Variants in LIG1 observed in about 807,000 individuals in gnomAD.
LIG1 encodes ligase I, DNA, ATP-dependent.
A neutral mutation model predicts 115.7 loss-of-function variants in LIG1; 70 were observed. The observed-to-expected ratio is 0.60, with a 90% CI of 0.50 to 0.74. LIG1 has a LOEUF of 0.74. Among genes scored for constraint, LIG1 ranks in the 30% least tolerant of loss-of-function variants. LIG1 has a pLI of 0.00. For missense variants in LIG1, 1,115 were observed against 1,225.6 expected (o/e 0.91, Z 1.35); for synonymous variants, 487 against 495.3 (o/e 0.98, Z 0.22).
chr19:48,170,333 G>T lies in LIG1; in HGVS notation c.-150C>A. On this transcript the variant is annotated 5_prime_UTR_variant, in exon 1 of 28. Transcript: ENST00000263274. ...CCCAAGTTCGCGCCACGGCATTCGC[G>T]CGCAGACGTCTGCGGGCGGGGGCGG... 1 of 442,038 alleles carries T rather than the reference G, an allele frequency of 2.3e-6. No individual in the cohort carries two copies. The highest frequency in any genetic ancestry group is 1.6e-5 in the South Asian group (1 of 63,380). The allele number at this position is 442,038 out of a possible 1,614,324, so 27.4% of individuals were successfully genotyped here.
chr19:48,121,670 G>A (rs568418807), intron 23 of LIG1, among the ~76,000 whole-genome samples: 27 of 152,208 alleles, frequency 1.8e-4, no homozygotes, highest in African/African-American at 6.3e-4. Flanking sequence ...GCGTGGTGGC[G>A]TGTGCCTGTA....
chr19:48,126,338 G>A (rs2033666446), intron 21 of LIG1, among the ~76,000 whole-genome samples: 1 of 152,106 alleles, frequency 6.6e-6, no homozygotes, highest in African/African-American at 2.4e-5. Flanking sequence ...AGGCGTGGTG[G>A]TTCACGCCTG....
intron 9 of LIG1, among the ~76,000 whole-genome samples, chr19:48,147,925 T>C (rs2035223907): frequency 2.0e-5 from 3 of 152,176 alleles, no homozygotes; most frequent in Admixed American, 2.0e-4. Context: ...GCAAGAAGAC[T>C]AAGAAGGCTG....
rs552115511 is a variant in LIG1, at chr19:48,120,068, T to C, written c.2386-878A>G. ...AAAATCTATTCTAAATAATGCAAAATGGTGACAATGTAGATTGGTGGCCAA... is the reference window on the plus strand; with the variant it reads ...AAAATCTATTCTAAATAATGCAAAACGGTGACAATGTAGATTGGTGGCCAA... On this transcript the variant is annotated intron_variant, in intron 24 of 27. Transcript: ENST00000263274. 4 of 460,610 alleles carry C rather than the reference T, an allele frequency of 8.7e-6. No homozygotes were observed. In the East Asian group the frequency reaches 6.3e-4, roughly 72 times the overall value. The allele number at this position is 460,610 out of a possible 1,614,324, so 28.5% of individuals were successfully genotyped here.
rs1555784937 is a variant in LIG1, at chr19:48,169,911, T to TCCCCC, written c.-58+325_-58+329dup. On this transcript the variant is annotated intron_variant, in intron 1 of 27. Coordinates refer to ENST00000263274, the MANE Select transcript of LIG1 (RefSeq NM_000234.3). ...CCAGCTGGCCCCGCCCACACAGTTTTCCCCCCCCCGGCCCCGCCCCTCAGT... is the reference window on the plus strand; with the variant it reads ...CCAGCTGGCCCCGCCCACACAGTTTTCCCCCCCCCCCCCCGGCCCCGCCCCTCAGT... 43 of 80,030 alleles carry TCCCCC rather than the reference T, an allele frequency of 5.4e-4. 1 individual carries two copies. Among genetic ancestry groups the TCCCCC allele is most frequent in the African/African-American group, 1.4e-3 (21 of 15,312 alleles). The allele number at this position is 80,030 out of a possible 1,614,324, so 5.0% of individuals were successfully genotyped here. A position where few individuals can be genotyped will look rare whatever the true frequency, so the allele number is the denominator to read the frequency against.
chr19:48,127,806 C>G, intron 20 of LIG1, 104 bp downstream of exon 20: 1 of 947,390 alleles, frequency 1.1e-6, no homozygotes, highest in Non-Finnish European at 1.7e-6. Context: ...TGCATCCAGA[C>G]TGACACTCTG....
chr19:48,135,362 A>T (rs902620766), intron 16 of LIG1, among the ~76,000 whole-genome samples: 1 of 152,118 alleles, frequency 6.6e-6, no homozygotes, highest in Admixed American at 6.5e-5. Flanking sequence ...ACCTCAAGTG[A>T]TCTGCCTGCT....
At chr19:48,156,981 C>A in intron 5 of LIG1, 33 bp downstream of exon 5, 3 of 1,451,904 alleles carry the variant, frequency 2.1e-6, no homozygotes, top group Non-Finnish European at 1.9e-6. Flanking sequence ...GAAAGGCAGG[C>A]GACTGAAGGG....
chr19:48,155,381 G>C (rs1220643028), intron 5 of LIG1, among the ~76,000 whole-genome samples: 1 of 152,134 alleles, frequency 6.6e-6, no homozygotes, highest in African/African-American at 2.4e-5. Flanking sequence ...GTAGATGAGA[G>C]GCCCCAAACA....
intron 9 of LIG1, among the ~76,000 whole-genome samples, chr19:48,147,077 T>C (rs967971500): frequency 6.6e-6 from 1 of 152,238 alleles, no homozygotes; most frequent in African/African-American, 2.4e-5. Flanking sequence ...GAACACTTTT[T>C]TGTTAGACTT....
intron 16 of LIG1, among the ~76,000 whole-genome samples, chr19:48,135,260 GT>G (rs1191337796): frequency 6.6e-6 from 1 of 152,170 alleles, no homozygotes; most frequent in Non-Finnish European, 1.5e-5. Flanking sequence ...TTGTGCCTCA[GT>G]TTCCCAAGTA....
In LIG1 at chr19:48,115,739, A is replaced by G. The variant is rs1332212343; in HGVS notation, c.2677-7T>C. ...TCCGGTACAAACAGGCCACCTGCGGAGAGAGGGTGGGACGGGGTGGTCAGA... is the reference window on the plus strand; with the variant it reads ...TCCGGTACAAACAGGCCACCTGCGGGGAGAGGGTGGGACGGGGTGGTCAGA... On this transcript the variant is annotated splice_polypyrimidine_tract_variant and splice_region_variant and intron_variant, in intron 27 of 27. Transcript: ENST00000263274. 1.9e-6 allele frequency: 3 copies of G among 1,611,738 alleles called. No homozygotes were observed. Among genetic ancestry groups the G allele is most frequent in the Non-Finnish European group, 1.7e-6 (2 of 1,177,986 alleles).
intron 10 of LIG1, 98 bp from the exon 11 acceptor site, chr19:48,143,697 T>C: frequency 3.5e-6 from 4 of 1,157,730 alleles, no homozygotes; most frequent in Non-Finnish European, 5.2e-6. Flanking sequence ...GGGACACCCT[T>C]GCCAATACCC....
intron 4 of LIG1, among the ~76,000 whole-genome samples, chr19:48,159,555 C>T (rs989218884): frequency 2.0e-5 from 3 of 152,184 alleles, no homozygotes; most frequent in African/African-American, 7.2e-5. Context: ...TGCTAATCAG[C>T]TGACCTTCCG....
At chr19:48,150,347 C>A in intron 7 of LIG1, 137 bp from the exon 8 acceptor site, 1 of 1,340,536 alleles carries the variant, frequency 7.5e-7, no homozygotes, top group Non-Finnish European at 1.0e-6. Context: ...TTTCTGTTAG[C>A]TTTGAGCTGA....
Position 48,121,420 on chromosome 19 carries a change from A to C in LIG1, c.2233-98T>G, listed in dbSNP as rs1288610003. The C allele has an allele frequency of 5.0e-6, 6 of 1,203,496 alleles. No individual in the cohort carries two copies. In the East Asian group the frequency reaches 1.1e-4, roughly 21 times the overall value. 74.6% of individuals were successfully genotyped at this position (1,203,496 alleles called of 1,614,324 possible). ...CCTCAGTGGACTGAGGAGGGACTAG[A>C]AGTAAGTCTGAAGGGAACTTCCAGA... On this transcript the variant is annotated intron_variant, in intron 23 of 27. Coordinates refer to ENST00000263274, the MANE Select transcript of LIG1 (RefSeq NM_000234.3).
chr19:48,139,613 C>T (rs2034609463), intron 12 of LIG1, among the ~76,000 whole-genome samples: 1 of 152,186 alleles, frequency 6.6e-6, no homozygotes. Context: ...TCTTTCCTCC[C>T]ACTCCTTCCA....
chr19:48,170,279 C>G lies in LIG1; in HGVS notation c.-96G>C, dbSNP rs1407575184. 2.2e-6 allele frequency: 1 copy of G among 454,772 alleles called. No individual in the cohort carries two copies. The highest frequency in any genetic ancestry group is 7.0e-5 in the East Asian group (1 of 14,312). The allele number at this position is 454,772 out of a possible 1,614,324, so 28.2% of individuals were successfully genotyped here. ...CGCGCGCCGCTGCCCGGGCAACACA[C>G]TCAGATCCGCCAGGCGCGCCTCTGC... On this transcript the variant is annotated 5_prime_UTR_variant, in exon 1 of 28. Transcript: ENST00000263274.
rs746525445 is a variant in LIG1 at position 48,117,643 on chromosome 19, C to A, written c.2578G>T (p.Gly860Cys). ...CCAGGTCCTCTGCCACTCACCAGGC[C>A]CCGCGCAGCAGGGTAGATGGGAGAG... ...SLSPIYPAAR[G>C]LVDSDKGISL... Residue 860 changes from glycine (G) to cysteine (C), a missense_variant, in exon 26 of 28, where the codon GGC becomes TGC. Coordinates refer to ENST00000263274, the MANE Select transcript of LIG1 (RefSeq NM_000234.3). 2.0e-5 allele frequency: 33 copies of A among 1,612,446 alleles called. No homozygotes were observed. Among genetic ancestry groups the A allele is most frequent in the Non-Finnish European group, 2.5e-5 (29 of 1,179,660 alleles).
Sources: allele counts gnomAD v4.1 joint callset (sites outside exome capture counted in the v4.1 genomes callset), GRCh38; gene constraint gnomAD v4.1.1; transcripts MANE v1.5; gene names NCBI Gene and HGNC (gene_info 2026-07-23, HGNC 2026-07-21).